TUBD1: variants seen among roughly 807,000 people sequenced by gnomAD.
TUBD1 encodes the protein tubulin delta 1.
Under a neutral mutation model 51.2 loss-of-function variants are expected in TUBD1, and 38 were observed. The ratio of observed to expected loss-of-function variants is 0.74; its 90% CI spans 0.57 to 0.97. TUBD1 has a LOEUF of 0.97. TUBD1 is among the 50% of genes least tolerant of loss of function. TUBD1 has a pLI of 0.00. For synonymous variants in TUBD1, 169 were observed against 178.2 expected (o/e 0.95, Z 0.41); for missense variants, 489 against 538.4 (o/e 0.91, Z 0.91).
chr17:59,867,795 T>C (rs1459379655), intron 6 of TUBD1, among the ~76,000 whole-genome samples: 1 of 152,100 alleles, frequency 6.6e-6, no homozygotes, highest in East Asian at 1.9e-4. Context: ...ACTGTGCATG[T>C]GGGAGGACAT....
At chr17:59,875,710 C>T (rs2040195326) in intron 5 of TUBD1, among the ~76,000 whole-genome samples, 1 of 150,174 alleles carries the variant, frequency 6.7e-6, no homozygotes, top group South Asian at 2.1e-4. Context: ...CAGTGCATCG[C>T]ACTCCAGCCT....
At chr17:59,889,084 C>T (rs2040865943) in intron 2 of TUBD1, among the ~76,000 whole-genome samples, 3 of 135,614 alleles carry the variant, frequency 2.2e-5, no homozygotes, top group South Asian at 2.4e-4. Context: ...GGCGAGATCT[C>T]GGCTCACTGC....
chr17:59,875,872 G>C (rs2526355), intron 5 of TUBD1, among the ~76,000 whole-genome samples: 70,621 of 151,896 alleles, frequency 0.46, 16,486 homozygotes, highest in East Asian at 0.56. Context: ...AGGAGAAAGG[G>C]TACTTTCCTT....
At chr17:59,866,167 T>G (rs915810441) in intron 7 of TUBD1, among the ~76,000 whole-genome samples, 1 of 147,262 alleles carries the variant, frequency 6.8e-6, no homozygotes, top group Admixed American at 6.8e-5. Flanking sequence ...TGCTCATTTC[T>G]ATAAGGAGGC....
At chr17:59,890,720 T>C (rs1476460535) in intron 2 of TUBD1, 111 bp downstream of exon 2, 1 of 899,106 alleles carries the variant, frequency 1.1e-6, no homozygotes, top group Non-Finnish European at 1.6e-6. Flanking sequence ...AAAAACAAAG[T>C]AATTCCCTAG....
intron 1 of TUBD1, 86 bp from the exon 2 acceptor site, chr17:59,891,127 T>TA (rs894091601): frequency 1.4e-6 from 1 of 740,396 alleles, no homozygotes; most frequent in Non-Finnish European, 2.1e-6. Context: ...TATACATCAA[T>TA]AAAAAGTCTT....
At chr17:59,885,337 T>C (rs1378155558) in intron 3 of TUBD1, 2 of 672,908 alleles carry the variant, frequency 3.0e-6, no homozygotes, top group African/African-American at 3.6e-5. Context: ...GCTAGACATG[T>C]ATACCAGGAA....
chr17:59,860,489 T>A, intron 8 of TUBD1, 65 bp from the exon 9 acceptor site: 2 of 956,324 alleles, frequency 2.1e-6, no homozygotes, highest in Non-Finnish European at 3.2e-6. Context: ...GAGTAACTCT[T>A]AAACAATAAA....
chr17:59,878,536 G>A (rs2040333082), intron 4 of TUBD1: 5 of 505,044 alleles, frequency 9.9e-6, no homozygotes, highest in Admixed American at 3.6e-5. Flanking sequence ...CCAGGCTGGA[G>A]TACAGTGGCA....
chr17:59,866,552 C>A (rs758010188), intron 7 of TUBD1, 57 bp downstream of exon 7: 2 of 1,591,750 alleles, frequency 1.3e-6, no homozygotes, highest in Admixed American at 1.8e-5. Flanking sequence ...ACCATTTGTA[C>A]CATATAGCAT....
chr17:59,881,232 ATGAAAG>A, intron 3 of TUBD1, 122 bp from the exon 4 acceptor site: 3 of 792,056 alleles, frequency 3.8e-6, no homozygotes, highest in Non-Finnish European at 4.0e-6. Flanking sequence ...AGGAACTCTC[ATGAAAG>A]GTACAGGTAC....
chr17:59,882,447 C>T (rs771245013), intron 3 of TUBD1, among the ~76,000 whole-genome samples: 45 of 151,618 alleles, frequency 3.0e-4, no homozygotes, highest in Non-Finnish European at 4.6e-4. Flanking sequence ...CCACCACACC[C>T]GGCTGATTTT....
chr17:59,889,628 C>T lies in TUBD1; in HGVS notation c.172+1203G>A, dbSNP rs192194243. 7.0e-4 allele frequency among the ~76,000 whole-genome samples: 98 copies of T among 140,380 alleles called. 4 individuals carry two copies. The East Asian group carries it at 0.016, about 22-fold the overall frequency. The allele number at this position is 140,380 out of a possible 152,430, so 92.1% of individuals were successfully genotyped here. On this transcript the variant is annotated intron_variant, in intron 2 of 8. Transcript: ENST00000325752. ...AGGTTGCAGTGAGCCAAGATCGCAC[C>T]ACTGCACTCCAGTCTGGGTGACAGA...
At chr17:59,880,757 G>A (rs180958792) in intron 4 of TUBD1, 137 bp downstream of exon 4, 239 of 735,804 alleles carry the variant, frequency 3.2e-4, no homozygotes, top group Non-Finnish European at 4.9e-4. Context: ...CTCACGATCC[G>A]CCCGCCTTGG....
chr17:59,890,010 C>T (rs989592291), intron 2 of TUBD1, among the ~76,000 whole-genome samples: 1 of 144,652 alleles, frequency 6.9e-6, no homozygotes. Context: ...AAAGAAAGAG[C>T]CAGGCATGGT....
At chr17:59,872,720 G>C (rs113902924) in intron 6 of TUBD1, among the ~76,000 whole-genome samples, 5,920 of 135,716 alleles carry the variant, frequency 0.044, 378 homozygotes, top group African/African-American at 0.15. Context: ...GTGTGTGTGT[G>C]TGTGTGTGTC....
At chr17:59,878,477 A>T (rs1598546368) in intron 4 of TUBD1, 143 bp from the exon 5 acceptor site, 2 of 577,112 alleles carry the variant, frequency 3.5e-6, no homozygotes, top group Non-Finnish European at 6.1e-6. Context: ...TTTAATCTCT[A>T]TGCTCAGTTT....
At chr17:59,872,637 T>C (rs1281882980) in intron 6 of TUBD1, among the ~76,000 whole-genome samples, 3 of 139,978 alleles carry the variant, frequency 2.1e-5, no homozygotes, top group Non-Finnish European at 4.6e-5. Context: ...ATTGTGTTTG[T>C]ATGTGTGAGT....
chr17:59,868,181 A>G (rs1012052303), intron 6 of TUBD1, among the ~76,000 whole-genome samples: 1 of 147,590 alleles, frequency 6.8e-6, no homozygotes, highest in African/African-American at 2.5e-5. Context: ...CTACTTGGGA[A>G]GCTGAGGCAG....
Sources: allele counts gnomAD v4.1 joint callset (sites outside exome capture counted in the v4.1 genomes callset), GRCh38; gene constraint gnomAD v4.1.1; transcripts MANE v1.5; gene names NCBI Gene and HGNC (gene_info 2026-07-23, HGNC 2026-07-21).